The following METTL24 variants were observed in gnomAD, a reference collection of about 807,000 sequenced individuals.
METTL24 encodes the protein methyltransferase like 24, also known as probable methyltransferase-like protein 24.
A neutral mutation model predicts 32.7 loss-of-function variants in METTL24; 29 were observed. The ratio of observed to expected loss-of-function variants is 0.89; its 90% CI spans 0.66 to 1.21. The LOEUF (loss-of-function observed/expected upper bound fraction) is 1.21. Ranked by LOEUF, METTL24 falls within the 50% of genes most tolerant of loss-of-function variation. METTL24 has a pLI of 0.00. For missense variants in METTL24, 439 were observed against 468.1 expected, an observed-to-expected ratio of 0.94 and a Z score of 0.57; for synonymous variants, 163 against 179.5, an observed-to-expected ratio of 0.91 and a Z score of 0.73.
chr6:110,311,573 A>G (rs2114743782), intron 3 of METTL24, among the ~76,000 whole-genome samples: 1 of 145,636 alleles, frequency 6.9e-6, no homozygotes, highest in South Asian at 2.1e-4. Context: ...TCCTGGGTTC[A>G]AGTGATTCTC....
chr6:110,334,707 C>T (rs933949042), intron 1 of METTL24, among the ~76,000 whole-genome samples: 9 of 152,318 alleles, frequency 5.9e-5, no homozygotes, highest in Middle Eastern at 6.8e-3. Flanking sequence ...ATTGGTTGCA[C>T]GTAACCGTGC....
At chr6:110,267,046 T>A (rs919048265) in intron 4 of METTL24, among the ~76,000 whole-genome samples, 105 of 152,198 alleles carry the variant, frequency 6.9e-4, no homozygotes, top group African/African-American at 2.4e-3. Flanking sequence ...TGCTTTTTTT[T>A]TAAAAAAAAA....
intron 4 of METTL24, among the ~76,000 whole-genome samples, chr6:110,269,908 T>C (rs1023687457): frequency 3.0e-4 from 45 of 152,176 alleles, no homozygotes; most frequent in Admixed American, 6.6e-5. Flanking sequence ...AGATTTCTCC[T>C]CTCTGACCGC....
chr6:110,274,999 A>T (rs1771023510), intron 4 of METTL24, among the ~76,000 whole-genome samples: 1 of 151,120 alleles, frequency 6.6e-6, no homozygotes, highest in South Asian at 2.1e-4. Context: ...GGGCTTTACC[A>T]TGTTGCCCAG....
chr6:110,279,957 G>A (rs928720377), intron 4 of METTL24, among the ~76,000 whole-genome samples: 12 of 152,250 alleles, frequency 7.9e-5, no homozygotes, highest in East Asian at 3.9e-4. Context: ...ACTTACAATC[G>A]TGGCAGAAGG....
At chr6:110,329,946 G>C (rs777188553) in intron 1 of METTL24, among the ~76,000 whole-genome samples, 13 of 152,232 alleles carry the variant, frequency 8.5e-5, no homozygotes, top group Non-Finnish European at 1.9e-4. Flanking sequence ...CAGGCAGATT[G>C]GAGAAGAAGA....
intron 4 of METTL24, among the ~76,000 whole-genome samples, chr6:110,267,655 GTGTTCAGC>G (rs1770880859): frequency 6.6e-6 from 1 of 152,070 alleles, no homozygotes; most frequent in African/African-American, 2.4e-5. Context: ...CATTTGCTCT[GTGTTCAGC>G]TGTATTAGGC....
Position 110,322,832 on chromosome 6 carries a change from G to GAGCCTGCCC in METTL24, c.350_358dup (p.Trp117_Gly119dup). The GAGCCTGCCC allele has an allele frequency of 6.2e-7, 1 of 1,613,952 alleles. No homozygotes were observed. Among genetic ancestry groups the GAGCCTGCCC allele is most frequent in the Non-Finnish European group, 8.5e-7 (1 of 1,179,912 alleles). ...GGCTTCTTCATCCAGGGACTGAGCA[G>GAGCCTGCCC]AGCCTGCCCAAGGCTGGAGATCTAT... On this transcript the variant is annotated inframe_insertion, in exon 2 of 5. Transcript: ENST00000338882.
intron 3 of METTL24, among the ~76,000 whole-genome samples, chr6:110,310,301 A>G (rs1192558117): frequency 6.6e-6 from 1 of 152,210 alleles, no homozygotes; most frequent in Non-Finnish European, 1.5e-5. Flanking sequence ...GTACCTATGT[A>G]TTAGCCCTTT....
At chr6:110,248,199 C>T (rs1186818749) in intron 4 of METTL24, among the ~76,000 whole-genome samples, 1 of 152,176 alleles carries the variant, frequency 6.6e-6, no homozygotes, top group African/African-American at 2.4e-5. Context: ...GTACAGCCTG[C>T]AGAACCATAA....
chr6:110,338,897 T>C (rs1195224982), intron 1 of METTL24, among the ~76,000 whole-genome samples: 1 of 152,232 alleles, frequency 6.6e-6, no homozygotes. Flanking sequence ...CAAATTTTAT[T>C]GGTTAAATGC....
At chr6:110,248,563 C>A (rs962632257) in intron 4 of METTL24, among the ~76,000 whole-genome samples, 1 of 148,868 alleles carries the variant, frequency 6.7e-6, no homozygotes. Flanking sequence ...CAAAACAAAA[C>A]CTTTCTTCAT....
intron 4 of METTL24, chr6:110,253,897 C>T: frequency 6.8e-7 from 1 of 1,462,626 alleles, no homozygotes; most frequent in Non-Finnish European, 9.1e-7. Flanking sequence ...TCCCTCAGAG[C>T]TTTCAGAATC....
intron 2 of METTL24, among the ~76,000 whole-genome samples, chr6:110,318,167 C>T (rs1771860478): frequency 6.6e-6 from 1 of 152,232 alleles, no homozygotes; most frequent in Admixed American, 6.5e-5. Flanking sequence ...CTTTCAGGTC[C>T]AGCAGTTCCT....
intron 1 of METTL24, among the ~76,000 whole-genome samples, chr6:110,342,115 C>T (rs1202234599): frequency 6.6e-6 from 1 of 152,204 alleles, no homozygotes; most frequent in Non-Finnish European, 1.5e-5. Context: ...CTTTTGACAA[C>T]CCCCTGGTGG....
At chr6:110,305,868 C>A (rs989161549) in intron 3 of METTL24, among the ~76,000 whole-genome samples, 1 of 152,162 alleles carries the variant, frequency 6.6e-6, no homozygotes, top group Non-Finnish European at 1.5e-5. Context: ...TATAAAGGCA[C>A]ATGCACACAT....
chr6:110,263,660 C>G (rs1056537242), intron 4 of METTL24, among the ~76,000 whole-genome samples: 9 of 152,148 alleles, frequency 5.9e-5, no homozygotes, highest in African/African-American at 2.2e-4. Context: ...CCCGCATCGC[C>G]AAGTCAATCC....
intron 2 of METTL24, among the ~76,000 whole-genome samples, chr6:110,320,329 T>C (rs1455003340): frequency 6.6e-6 from 1 of 152,210 alleles, no homozygotes; most frequent in African/African-American, 2.4e-5. Flanking sequence ...TTCGTAGGCT[T>C]TCATTGTCAA....
In METTL24 at chr6:110,245,966, C is replaced by T; in HGVS notation, c.1081G>A (p.Val361Met). Residue 361 changes from valine (V) to methionine (M), a missense_variant, in exon 5 of 5, where the codon GTG becomes ATG. By Grantham distance (21) the Val-to-Met change is conservative. Coordinates refer to ENST00000338882, the MANE Select transcript of METTL24 (RefSeq NM_001123364.3). The stretch of plus-strand genomic sequence containing the variant: ...GCATCCTATTTCCATCTTGTATTCA[C>T]CCAACTCAGAGTATAACAGCTACTT... ...NASSCYTLSW[V>M]NTRWK The T allele has an allele frequency of 6.2e-7, 1 of 1,612,532 alleles. No homozygotes were observed. Among genetic ancestry groups the T allele is most frequent in the East Asian group, 2.2e-5 (1 of 44,856 alleles).
Sources: gnomAD v4.1 joint callset for allele counts (sites outside exome capture counted in the v4.1 genomes callset) on GRCh38, gnomAD v4.1.1 for gene constraint, MANE v1.5 for transcripts, NCBI Gene and HGNC (gene_info 2026-07-23, HGNC 2026-07-21) for gene names.